Variants in SPECC1 observed in about 807,000 individuals in gnomAD.
SPECC1 encodes the protein cytospin-B.
Under a neutral mutation model 104.1 loss-of-function variants are expected in SPECC1, and 62 were observed. The ratio of observed to expected loss-of-function variants is 0.60; its 90% CI spans 0.49 to 0.74. The LOEUF is 0.74. Ranked by LOEUF, SPECC1 falls within the 30% of genes least tolerant of loss-of-function variation. SPECC1 has a pLI of 0.00. For synonymous variants in SPECC1, 513 were observed against 501.6 expected (o/e 1.02, Z -0.30); for missense variants, 1,306 against 1,310.5 (o/e 1.00, Z 0.05).
intron 3 of SPECC1, among the ~76,000 whole-genome samples, chr17:20,157,571 C>G (rs574909622): frequency 2.6e-5 from 4 of 152,112 alleles, no homozygotes; most frequent in Non-Finnish European, 4.4e-5. Flanking sequence ...TAGTTACATG[C>G]TTGTCCAGGT....
chr17:20,164,302 A>G (rs550527617), intron 3 of SPECC1, among the ~76,000 whole-genome samples: 24 of 151,966 alleles, frequency 1.6e-4, no homozygotes, highest in African/African-American at 5.8e-4. Flanking sequence ...CTGGGACTAC[A>G]GGCAGTGCCA....
intron 7 of SPECC1, chr17:20,238,145 T>C (rs1312391847): frequency 1.9e-6 from 2 of 1,031,040 alleles, no homozygotes; most frequent in Non-Finnish European, 1.2e-6. Context: ...CAGAATCTTG[T>C]TGGGTTAAAC....
intron 3 of SPECC1, among the ~76,000 whole-genome samples, chr17:20,187,453 A>G (rs780619871): frequency 1.3e-5 from 2 of 152,030 alleles, no homozygotes; most frequent in Non-Finnish European, 2.9e-5. Flanking sequence ...TCTTTGCTGG[A>G]TTTGATGGTG....
At chr17:20,244,532 T>C (rs2039338757) in intron 7 of SPECC1, among the ~76,000 whole-genome samples, 1 of 152,142 alleles carries the variant, frequency 6.6e-6, no homozygotes, top group Non-Finnish European at 1.5e-5. Context: ...GAGTGAAGAT[T>C]GTAAGGCAGT....
intron 4 of SPECC1, among the ~76,000 whole-genome samples, chr17:20,226,047 G>A (rs1191961459): frequency 6.6e-6 from 1 of 152,036 alleles, no homozygotes; most frequent in Non-Finnish European, 1.5e-5. Flanking sequence ...ATAGCCAGAA[G>A]GTTTTGCACA....
chr17:20,219,913 G>C (rs1368617133), intron 4 of SPECC1, among the ~76,000 whole-genome samples: 1 of 152,028 alleles, frequency 6.6e-6, no homozygotes, highest in African/African-American at 2.4e-5. Context: ...AGTTTTCCTA[G>C]CACCATTTAC....
intron 1 of SPECC1, among the ~76,000 whole-genome samples, chr17:20,060,644 G>A (rs2046151257): frequency 6.6e-6 from 1 of 152,102 alleles, no homozygotes; most frequent in African/African-American, 2.4e-5. Context: ...TGCCTGGGTG[G>A]TACATCTCTT....
At chr17:20,128,975 C>T (rs373717782) in intron 3 of SPECC1, among the ~76,000 whole-genome samples, 1 of 152,226 alleles carries the variant, frequency 6.6e-6, no homozygotes, top group African/African-American at 2.4e-5. Flanking sequence ...TCAGTGCAGC[C>T]TCAAACTCCT....
At chr17:20,239,081 G>A (rs1289826824) in intron 7 of SPECC1, 2 of 1,032,500 alleles carry the variant, frequency 1.9e-6, no homozygotes, top group Non-Finnish European at 2.3e-6. Context: ...AGTTTCATTA[G>A]TAGAACAAAA....
chr17:20,070,931 A>G (rs933664209), intron 1 of SPECC1, among the ~76,000 whole-genome samples: 2 of 151,926 alleles, frequency 1.3e-5, no homozygotes, highest in African/African-American at 4.8e-5. Context: ...TACCTTATTC[A>G]GGATAATCTC....
chr17:20,105,459 C>T (rs2152516635), intron 2 of SPECC1, among the ~76,000 whole-genome samples: 1 of 152,222 alleles, frequency 6.6e-6, no homozygotes, highest in South Asian at 2.1e-4. Context: ...GGGCTGCCTC[C>T]TTCCTGTGTG....
chr17:20,304,408 T>C (rs1464988830), intron 13 of SPECC1, among the ~76,000 whole-genome samples: 3 of 152,130 alleles, frequency 2.0e-5, no homozygotes, highest in Non-Finnish European at 2.9e-5. Context: ...TTGAAATGAA[T>C]TTTGGAATGG....
chr17:20,206,481 T>A (rs1288229087), intron 4 of SPECC1, among the ~76,000 whole-genome samples: 1 of 152,234 alleles, frequency 6.6e-6, no homozygotes, highest in Non-Finnish European at 1.5e-5. Context: ...TGTTATTAAC[T>A]TTTTTTGCAT....
chr17:20,308,389 C>CAAA (rs3072413), intron 14 of SPECC1, among the ~76,000 whole-genome samples: 1,321 of 66,592 alleles, frequency 0.02, 117 homozygotes, highest in East Asian at 0.092. Context: ...AACTCCATCT[C>CAAA]AAAAAAAAAA....
chr17:20,269,648 A>G (rs1053400381), intron 12 of SPECC1, among the ~76,000 whole-genome samples: 16 of 152,216 alleles, frequency 1.1e-4, no homozygotes, highest in Admixed American at 9.8e-4. Context: ...TGCTGGGATT[A>G]CAGGTGTGAG....
chr17:20,048,823 T>TC (rs1345133170), intron 1 of SPECC1, among the ~76,000 whole-genome samples: 1 of 151,458 alleles, frequency 6.6e-6, no homozygotes, highest in African/African-American at 2.4e-5. Flanking sequence ...ACCCAGGAGG[T>TC]CGAGGCTGCA....
rs550438947 is a variant in SPECC1, at chr17:20,108,724, G to T, written c.148-1703G>T. Among the ~76,000 whole-genome samples the T allele has an allele frequency of 3.9e-5, 6 of 152,240 alleles. No homozygotes were observed. In the East Asian group the frequency reaches 1.2e-3, roughly 29 times the overall value. ...TATCCTCTCTGTTGAAGGACATTTG[G>T]GTTGTTCTAGTTTTGGGCTGCTATA... On this transcript the variant is annotated intron_variant, in intron 2 of 14. Transcript: ENST00000395527.
chr17:20,084,084 T>TTTA (rs200223977), intron 1 of SPECC1, among the ~76,000 whole-genome samples: 8 of 152,216 alleles, frequency 5.3e-5, no homozygotes, highest in Non-Finnish European at 8.8e-5. Context: ...CCTTGTGCAG[T>TTTA]TTATTATTAT....
chr17:20,194,502 A>ATTATTATTTTTTTTTTTTTTTTTTTTT lies in SPECC1; in HGVS notation c.284-9829_284-9828insATTATTTTTTTTTTTTTTTTTTTTTTT. On this transcript the variant is annotated intron_variant, in intron 3 of 14. Coordinates refer to ENST00000395527, the MANE Select transcript of SPECC1 (RefSeq NM_001243439.2). The stretch of plus-strand genomic sequence containing the variant: ...TGTGTTCTGTTAGAAAAGAGAACGA[A>ATTATTATTTTTTTTTTTTTTTTTTTTT]TTTTTTTTTTTTTTTTTTTTTTTGA... Among the ~76,000 whole-genome samples the ATTATTATTTTTTTTTTTTTTTTTTTTT allele has an allele frequency of 1.1e-3, 97 of 86,534 alleles. 2 individuals are homozygous for ATTATTATTTTTTTTTTTTTTTTTTTTT. The highest frequency in any genetic ancestry group is 2.5e-3 in the African/African-American group (46 of 18,736). 56.8% of individuals were successfully genotyped at this position (86,534 alleles called of 152,430 possible). A position where few individuals can be genotyped will look rare whatever the true frequency, so the allele number is the denominator to read the frequency against.
Sources: allele counts gnomAD v4.1 joint callset (sites outside exome capture counted in the v4.1 genomes callset), GRCh38; gene constraint gnomAD v4.1.1; transcripts MANE v1.5; gene names NCBI Gene and HGNC (gene_info 2026-07-23, HGNC 2026-07-21).